Variants in BTBD9 observed in about 807,000 individuals in gnomAD.
The protein encoded by BTBD9 is BTB domain containing 9.
A neutral mutation model predicts 64.3 loss-of-function variants in BTBD9; 49 were observed. That is an observed-to-expected ratio of 0.76 (90% confidence interval 0.61 to 0.97). BTBD9 has a LOEUF of 0.97. Among genes scored for constraint, BTBD9 ranks in the 50% least tolerant of loss-of-function variants. BTBD9 has a pLI of 0.00. For synonymous variants in BTBD9, 260 were observed against 274.7 expected (o/e 0.95, Z 0.53); for missense variants, 598 against 762.1 (o/e 0.78, Z 2.53).
chr6:38,368,533 C>G (rs1223798757), intron 6 of BTBD9, among the ~76,000 whole-genome samples: 1 of 152,092 alleles, frequency 6.6e-6, no homozygotes, highest in Non-Finnish European at 1.5e-5. Context: ...TGGGGTTTCA[C>G]CACATTGGCC....
chr6:38,505,603 G>A (rs1356888690), intron 6 of BTBD9, among the ~76,000 whole-genome samples: 21 of 149,822 alleles, frequency 1.4e-4, no homozygotes, highest in East Asian at 2.0e-4. Context: ...CAGCCTGAGC[G>A]ACACAGCGAG....
chr6:38,186,553 T>C (rs1761829086), intron 10 of BTBD9, among the ~76,000 whole-genome samples: 1 of 152,174 alleles, frequency 6.6e-6, no homozygotes, highest in African/African-American at 2.4e-5. Context: ...ACTGACTGAC[T>C]GGGAGAGGGA....
chr6:38,209,974 G>A (rs1762774133), intron 9 of BTBD9, among the ~76,000 whole-genome samples: 2 of 152,174 alleles, frequency 1.3e-5, no homozygotes, highest in Admixed American at 1.3e-4. Context: ...AGAGCGGCAG[G>A]ACCCTCCCGC....
At chr6:38,625,313 C>G (rs1239692919) in intron 1 of BTBD9, among the ~76,000 whole-genome samples, 1 of 152,156 alleles carries the variant, frequency 6.6e-6, no homozygotes. Flanking sequence ...GGCCATATGC[C>G]AAAGTACTTC....
chr6:38,504,025 C>T (rs973972615), intron 6 of BTBD9, among the ~76,000 whole-genome samples: 2 of 152,198 alleles, frequency 1.3e-5, no homozygotes, highest in Non-Finnish European at 2.9e-5. Flanking sequence ...AGTCTCACAA[C>T]CCCTTTCTGC....
intron 6 of BTBD9, among the ~76,000 whole-genome samples, chr6:38,363,030 G>A (rs1352319698): frequency 6.6e-6 from 1 of 152,180 alleles, no homozygotes; most frequent in Non-Finnish European, 1.5e-5. Flanking sequence ...TTGTTGCTAA[G>A]AGAAGGTGTA....
intron 6 of BTBD9, among the ~76,000 whole-genome samples, chr6:38,423,486 G>T (rs1768000783): frequency 6.6e-6 from 1 of 151,862 alleles, no homozygotes; most frequent in African/African-American, 2.4e-5. Flanking sequence ...TAAATTTTTT[G>T]GAGAGATAAG....
At chr6:38,488,937 C>T (rs1428650535) in intron 6 of BTBD9, among the ~76,000 whole-genome samples, 2 of 150,030 alleles carry the variant, frequency 1.3e-5, no homozygotes, top group African/African-American at 2.5e-5. Flanking sequence ...CTGTCATCAT[C>T]CAGGCTGGAG....
intron 6 of BTBD9, among the ~76,000 whole-genome samples, chr6:38,392,763 C>T (rs1253912072): frequency 6.6e-6 from 1 of 150,774 alleles, no homozygotes; most frequent in African/African-American, 2.4e-5. Flanking sequence ...GAAAACAAAA[C>T]AAAACACCAA....
chr6:38,520,686 A>T (rs1220225672), intron 6 of BTBD9, among the ~76,000 whole-genome samples: 2 of 152,004 alleles, frequency 1.3e-5, no homozygotes, highest in Non-Finnish European at 2.9e-5. Context: ...TAATCCCAGC[A>T]CTTTGTAAGG....
intron 8 of BTBD9, among the ~76,000 whole-genome samples, chr6:38,267,250 A>G (rs536716679): frequency 5.3e-5 from 8 of 152,372 alleles, no homozygotes; most frequent in African/African-American, 1.7e-4. Context: ...GCTGAAGGCA[A>G]TATGCATTTG....
chr6:38,353,841 A>G (rs1049240808), intron 6 of BTBD9, among the ~76,000 whole-genome samples: 4 of 152,326 alleles, frequency 2.6e-5, no homozygotes, highest in African/African-American at 9.6e-5. Context: ...TTCCCTATGA[A>G]TCTATAAGAA....
At chr6:38,394,418 A>T (rs546989860) in intron 6 of BTBD9, among the ~76,000 whole-genome samples, 1 of 152,272 alleles carries the variant, frequency 6.6e-6, no homozygotes, top group Non-Finnish European at 1.5e-5. Flanking sequence ...AGAGAAACAG[A>T]AGGGAGAAGT....
intron 10 of BTBD9, among the ~76,000 whole-genome samples, chr6:38,185,446 T>C (rs1040070318): frequency 4.6e-5 from 7 of 152,202 alleles, no homozygotes; most frequent in Admixed American, 1.3e-4. Flanking sequence ...ATTTTGCACA[T>C]TGCCGTCTAT....
chr6:38,236,343 A>G (rs1763776471), intron 9 of BTBD9, among the ~76,000 whole-genome samples: 2 of 152,230 alleles, frequency 1.3e-5, no homozygotes, highest in African/African-American at 4.8e-5. Context: ...TTAACAAATC[A>G]TATGACCTAG....
At chr6:38,522,605 T>A (rs1325410191) in intron 6 of BTBD9, among the ~76,000 whole-genome samples, 1 of 152,164 alleles carries the variant, frequency 6.6e-6, no homozygotes, top group Non-Finnish European at 1.5e-5. Context: ...TCCCATTGCC[T>A]CTCTTGGAGA....
chr6:38,465,725 A>G (rs1361805484), intron 6 of BTBD9, among the ~76,000 whole-genome samples: 2 of 51,482 alleles, frequency 3.9e-5, no homozygotes, highest in African/African-American at 1.5e-4. Context: ...ATATATATAT[A>G]TATATATATA....
intron 6 of BTBD9, among the ~76,000 whole-genome samples, chr6:38,526,310 G>T (rs1773488461): frequency 6.6e-6 from 1 of 152,246 alleles, no homozygotes; most frequent in South Asian, 2.1e-4. Flanking sequence ...TGGGTGCACA[G>T]AGGGCAAGAG....
intron 9 of BTBD9, among the ~76,000 whole-genome samples, chr6:38,250,711 T>C (rs937247990): frequency 3.9e-5 from 6 of 152,042 alleles, no homozygotes; most frequent in African/African-American, 1.4e-4. Flanking sequence ...GGAAATGTAG[T>C]GGGTGGTAAT....
Sources: gnomAD v4.1 joint callset for allele counts (sites outside exome capture counted in the v4.1 genomes callset) on GRCh38, gnomAD v4.1.1 for gene constraint, MANE v1.5 for transcripts, NCBI Gene and HGNC (gene_info 2026-07-23, HGNC 2026-07-21) for gene names.